Variants in CYP2J2 observed in about 807,000 individuals in gnomAD.
The protein encoded by CYP2J2 is cytochrome P450 2J2.
Under a neutral mutation model 48.8 loss-of-function variants are expected in CYP2J2, and 41 were observed. The ratio of observed to expected loss-of-function variants is 0.84; its 90% CI spans 0.66 to 1.09. The LOEUF (loss-of-function observed/expected upper bound fraction) is 1.09, where lower values mean the gene tolerates loss of function less well. CYP2J2 is among the 50% of genes least tolerant of loss of function. The pLI is 0.00. For synonymous variants in CYP2J2, 221 were observed against 227.1 expected, an observed-to-expected ratio of 0.97 and a Z score of 0.24; for missense variants, 644 against 617.3, an observed-to-expected ratio of 1.04 and a Z score of -0.46.
rs142183130 is a variant in CYP2J2, at chr1:59,907,813, A to C, written c.976T>G (p.Tyr326Asp). 2 of 1,613,984 alleles carry C rather than the reference A, an allele frequency of 1.2e-6. No homozygotes were observed. The highest frequency in any genetic ancestry group is 2.7e-5 in the African/African-American group (2 of 74,996). The part of the protein sequence containing the change: ...TSTTLRWALL[Y>D]MALYPEIQEK... ...TGGATTTCTGGGTAGAGGGCCATAT[A>C]AAGCAGAGCCCATCGCAGAGTTGTG... Residue 326 changes from tyrosine to aspartate, a missense_variant, in exon 6 of 9, where the codon TAT becomes GAT. Physicochemically the swap from Tyr to Asp is radical, Grantham distance 160. Transcript: ENST00000371204.
chr1:59,965,976 C>A, the CYP2J2 span, among the ~76,000 whole-genome samples: 3 of 152,284 alleles, frequency 2.0e-5, no homozygotes, highest in Admixed American at 2.0e-4. Context: ...TTCTGACGAT[C>A]ATGAAGCTTT....
In CYP2J2 at chr1:59,893,479, C is replaced by T. The variant is rs112170144; in HGVS notation, c.*172G>A. On this transcript the variant is annotated 3_prime_UTR_variant, in exon 9 of 9. Coordinates refer to ENST00000371204, the MANE Select transcript of CYP2J2 (RefSeq NM_000775.4). ...ATAAATGATTTTCCCAAGGCTAATT[C>T]GGACGAGACAGTAGAGCTGGGATTT... 5.6e-5 allele frequency: 28 copies of T among 499,288 alleles called. No homozygotes were observed. In the South Asian group the frequency reaches 6.4e-4, roughly 11 times the overall value. 30.9% of individuals were successfully genotyped at this position (499,288 alleles called of 1,614,324 possible).
At chr1:59,943,572 A>G in the CYP2J2 span, among the ~76,000 whole-genome samples, 1 of 152,200 alleles carries the variant, frequency 6.6e-6, no homozygotes, top group East Asian at 1.9e-4. Context: ...TAGCAAGGAA[A>G]CAGTCAATTT....
At chr1:59,928,360 TA>T (rs1466302495), upstream of CYP2J2, among the ~76,000 whole-genome samples, 1 of 152,146 alleles carries the variant, frequency 6.6e-6, no homozygotes, top group East Asian at 1.9e-4. Context: ...AGTAAATAAA[TA>T]AATTTTATTT....
chr1:59,948,685 T>A, the CYP2J2 span, among the ~76,000 whole-genome samples: 3 of 152,188 alleles, frequency 2.0e-5, no homozygotes, highest in Non-Finnish European at 4.4e-5. Context: ...ATTGGATGCA[T>A]TTGATTATTT....
At chr1:59,947,472 T>A in the CYP2J2 span, among the ~76,000 whole-genome samples, 2 of 152,306 alleles carry the variant, frequency 1.3e-5, no homozygotes, top group South Asian at 4.1e-4. Context: ...CGTTCTCAGC[T>A]GAGCCAGAGA....
At chr1:59,907,618 A>G (rs996737002) in intron 6 of CYP2J2, among the ~76,000 whole-genome samples, 168 bp downstream of exon 6, 4 of 152,162 alleles carry the variant, frequency 2.6e-5, no homozygotes, top group Non-Finnish European at 2.9e-5. Flanking sequence ...GCCCATCACA[A>G]TTCAGACAGA....
At chr1:59,903,201 C>A (rs949535149) in intron 7 of CYP2J2, among the ~76,000 whole-genome samples, 24 of 152,274 alleles carry the variant, frequency 1.6e-4, no homozygotes, top group African/African-American at 5.1e-4. Flanking sequence ...TGGGTAAGCT[C>A]TTCTGATTCT....
chr1:59,964,313 C>G, the CYP2J2 span, among the ~76,000 whole-genome samples: 1 of 152,226 alleles, frequency 6.6e-6, no homozygotes, highest in Non-Finnish European at 1.5e-5. Context: ...CGTGTGAATA[C>G]TACCACAGTA....
chr1:59,937,110 C>T, the CYP2J2 span, among the ~76,000 whole-genome samples: 8 of 152,340 alleles, frequency 5.3e-5, no homozygotes, highest in Middle Eastern at 3.4e-3. Context: ...TTCTGTTCCA[C>T]GAACCCTCCA....
intron 6 of CYP2J2, among the ~76,000 whole-genome samples, chr1:59,905,320 T>G (rs1644356431): frequency 6.6e-6 from 1 of 152,184 alleles, no homozygotes; most frequent in African/African-American, 2.4e-5. Context: ...GCGGACTTGG[T>G]GTCTGGTGAA....
chr1:59,915,432 CATT>C (rs1201506125), intron 2 of CYP2J2, among the ~76,000 whole-genome samples: 1 of 152,106 alleles, frequency 6.6e-6, no homozygotes, highest in East Asian at 1.9e-4. Context: ...TTAAATGTTT[CATT>C]ATATTTAATG....
chr1:59,953,530 G>T, the CYP2J2 span, among the ~76,000 whole-genome samples: 5 of 152,002 alleles, frequency 3.3e-5, no homozygotes, highest in African/African-American at 4.8e-5. Context: ...GTGTGTATGT[G>T]TGCGTGCTTA....
rs780091237 is a variant in CYP2J2 at position 59,911,746 on chromosome 1, G to T, written c.546C>A (p.Phe182Leu). The change falls in exon 4 of 9, where the codon TTC becomes TTA. Residue 182 changes from phenylalanine to leucine, a missense_variant. Coordinates refer to ENST00000371204, the MANE Select transcript of CYP2J2 (RefSeq NM_000775.4). ...EENGQPFDPH[F>L]KINNAVSNII... ...TATTGGAAACTGCATTGTTGATCTT[G>T]AAATGAGGGTCAAAAGGCTGTCCTG... 6.2e-7 allele frequency: 1 copy of T among 1,613,298 alleles called. No individual in the cohort carries two copies. Among genetic ancestry groups the T allele is most frequent in the Non-Finnish European group, 8.5e-7 (1 of 1,179,596 alleles).
upstream of CYP2J2, among the ~76,000 whole-genome samples, chr1:59,926,982 C>T (rs1644572666): frequency 6.6e-6 from 1 of 152,234 alleles, no homozygotes; most frequent in Admixed American, 6.5e-5. Context: ...CTGAGAGCGC[C>T]ACAGACATTT....
intron 7 of CYP2J2, among the ~76,000 whole-genome samples, chr1:59,902,387 C>T (rs1252372634): frequency 6.6e-6 from 1 of 152,018 alleles, no homozygotes; most frequent in East Asian, 1.9e-4. Flanking sequence ...TATAATATTA[C>T]TTCAAGGAAT....
At chr1:59,905,553 C>A (rs1162882677) in intron 6 of CYP2J2, among the ~76,000 whole-genome samples, 1 of 152,210 alleles carries the variant, frequency 6.6e-6, no homozygotes, top group Non-Finnish European at 1.5e-5. Flanking sequence ...CATAGCAGAT[C>A]TACAGACTCT....
At chr1:59,951,361 T>C in the CYP2J2 span, among the ~76,000 whole-genome samples, 17 of 152,340 alleles carry the variant, frequency 1.1e-4, no homozygotes, top group Admixed American at 5.2e-4. Context: ...TCCCTGTTTT[T>C]CTAAGCTTGA....
the CYP2J2 span, among the ~76,000 whole-genome samples, chr1:59,966,748 C>A: frequency 6.6e-6 from 1 of 152,090 alleles, no homozygotes; most frequent in African/African-American, 2.4e-5. Flanking sequence ...GGAAGATGAA[C>A]GTTATCTGTG....
Sources: allele counts gnomAD v4.1 joint callset (sites outside exome capture counted in the v4.1 genomes callset), GRCh38; gene constraint gnomAD v4.1.1; transcripts MANE v1.5; gene names NCBI Gene and HGNC (gene_info 2026-07-23, HGNC 2026-07-21).